AUTS2: variants seen among roughly 807,000 people sequenced by gnomAD.
AUTS2 encodes the protein activator of transcription and developmental regulator AUTS2.
Under a neutral mutation model 112.4 loss-of-function variants are expected in AUTS2, and 17 were observed. The observed-to-expected ratio is 0.15, with a 90% CI of 0.10 to 0.23. AUTS2 has a LOEUF of 0.23. Among genes scored for constraint, AUTS2 ranks in the 10% least tolerant of loss-of-function variants. AUTS2 has a pLI of 1.00. For missense variants in AUTS2, 1,510 were observed against 1,701.6 expected, an observed-to-expected ratio of 0.89 and a Z score of 1.98; for synonymous variants, 751 against 702.7, an observed-to-expected ratio of 1.07 and a Z score of -1.09.
chr7:70,066,355 G>A (rs1802491413), intron 2 of AUTS2, among the ~76,000 whole-genome samples: 1 of 151,988 alleles, frequency 6.6e-6, no homozygotes, highest in East Asian at 1.9e-4. Context: ...GAGTTGAATG[G>A]TCCTTTATTC....
chr7:69,825,196 A>C (rs556101696), intron 1 of AUTS2, among the ~76,000 whole-genome samples: 1 of 152,296 alleles, frequency 6.6e-6, no homozygotes, highest in South Asian at 2.1e-4. Flanking sequence ...TCTGTTATGC[A>C]TTACTGCCAT....
At chr7:70,072,672 C>T (rs1802830900) in intron 2 of AUTS2, among the ~76,000 whole-genome samples, 2 of 152,212 alleles carry the variant, frequency 1.3e-5, no homozygotes, top group African/African-American at 4.8e-5. Context: ...ATTTTCATTC[C>T]TAACATAGGT....
At chr7:69,675,505 G>GTTTTTTT (rs751222506) in intron 1 of AUTS2, among the ~76,000 whole-genome samples, 4 of 114,206 alleles carry the variant, frequency 3.5e-5, no homozygotes, top group African/African-American at 1.1e-4. Context: ...TTGGCTGAGG[G>GTTTTTTT]TTTTTTTTTT....
intron 2 of AUTS2, among the ~76,000 whole-genome samples, chr7:69,923,510 G>A (rs894333028): frequency 4.6e-5 from 7 of 152,160 alleles, no homozygotes; most frequent in African/African-American, 7.2e-5. Context: ...TGGCCAAGAT[G>A]TTGGTTGAGA....
At chr7:70,350,406 G>A (rs1175732952) in intron 4 of AUTS2, among the ~76,000 whole-genome samples, 2 of 152,124 alleles carry the variant, frequency 1.3e-5, no homozygotes, top group Non-Finnish European at 2.9e-5. Context: ...AAGAAAAAGA[G>A]GTTTAATGGA....
chr7:70,639,868 T>C (rs1225285587), intron 5 of AUTS2, among the ~76,000 whole-genome samples: 1 of 152,042 alleles, frequency 6.6e-6, no homozygotes, highest in African/African-American at 2.4e-5. Context: ...ACCCCTCCAT[T>C]CCCTCTCTGA....
At chr7:69,662,167 G>A (rs146897349) in intron 1 of AUTS2, among the ~76,000 whole-genome samples, 1 of 150,216 alleles carries the variant, frequency 6.7e-6, no homozygotes, top group East Asian at 2.0e-4. Context: ...AGAATCATAG[G>A]TATTCAGAGC....
At chr7:70,099,515 C>T (rs78613045) in intron 2 of AUTS2, among the ~76,000 whole-genome samples, 12,578 of 148,338 alleles carry the variant, frequency 0.085, 634 homozygotes, top group East Asian at 0.13. Flanking sequence ...TTTTTTTTGG[C>T]TCCCTTAAAT....
intron 1 of AUTS2, among the ~76,000 whole-genome samples, chr7:69,708,024 G>A (rs370454582): frequency 6.6e-5 from 10 of 152,276 alleles, no homozygotes; most frequent in African/African-American, 1.4e-4. Flanking sequence ...CCTCTCGGTC[G>A]TTGCTTTATA....
chr7:70,257,410 C>T (rs1010080853), intron 4 of AUTS2, among the ~76,000 whole-genome samples: 3 of 152,150 alleles, frequency 2.0e-5, no homozygotes, highest in South Asian at 2.1e-4. Flanking sequence ...CTCCGCCTCC[C>T]GGGTTCAAGC....
intron 5 of AUTS2, among the ~76,000 whole-genome samples, chr7:70,647,572 T>C (rs1462633086): frequency 1.3e-5 from 2 of 152,218 alleles, no homozygotes; most frequent in Non-Finnish European, 2.9e-5. Flanking sequence ...TAATGCCTTC[T>C]CCCTTAATCT....
At position 70,766,160 on chromosome 7, in the gene AUTS2, T is replaced by A; in HGVS notation, c.1515T>A (p.Ser505=). ...RQELNTRFLA[S]QSADRGASLG... ...AACTGAACACTCGTTTTTTGGCCTC[T>A]CAGAGTGCTGACCGCGGGGCTTCCC... Residue 505 remains serine, a synonymous_variant, in exon 9 of 19, where the codon TCT becomes TCA. Transcript: ENST00000342771. The surrounding 1 kb of genome is among the most constrained non-coding windows in gnomAD (Gnocchi z 4.8). 6.2e-7 allele frequency: 1 copy of A among 1,614,164 alleles called. No individual in the cohort carries two copies. Among genetic ancestry groups the A allele is most frequent in the South Asian group, 1.1e-5 (1 of 91,080 alleles).
chr7:70,787,066 A>G, intron 17 of AUTS2, 143 bp from the exon 18 acceptor site: 1 of 811,768 alleles, frequency 1.2e-6, no homozygotes, highest in South Asian at 1.5e-5. Flanking sequence ...TGAATTTGTT[A>G]ATCTCCTTTC....
At chr7:70,147,685 C>A (rs1584790627) in intron 4 of AUTS2, among the ~76,000 whole-genome samples, 2 of 152,200 alleles carry the variant, frequency 1.3e-5, no homozygotes, top group South Asian at 2.1e-4. Context: ...GTTAATTTAG[C>A]ATATAAGCCT....
At chr7:70,331,743 G>A (rs982637651) in intron 4 of AUTS2, among the ~76,000 whole-genome samples, 1 of 152,130 alleles carries the variant, frequency 6.6e-6, no homozygotes, top group South Asian at 2.1e-4. Flanking sequence ...AATAGATGCA[G>A]AAAAGGCCTT....
intron 4 of AUTS2, among the ~76,000 whole-genome samples, chr7:70,394,081 G>A (rs557226784): frequency 2.9e-4 from 44 of 152,290 alleles, no homozygotes; most frequent in South Asian, 1.4e-3. Context: ...TGGAAGGCTG[G>A]CTATTTTCTA....
intron 4 of AUTS2, among the ~76,000 whole-genome samples, chr7:70,302,931 A>G (rs965122937): frequency 7.3e-6 from 1 of 137,126 alleles, no homozygotes; most frequent in African/African-American, 2.8e-5. Flanking sequence ...TTTGGCCATC[A>G]TTTCCATTCT....
chr7:70,026,999 C>T lies in AUTS2; in HGVS notation c.523-91133C>T, dbSNP rs182523541. On this transcript the variant is annotated intron_variant, in intron 2 of 18. Transcript: ENST00000342771. ...ATCATTTTTTTTTTTACGTTTAGTA[C>T]AGTATCCAATAAAGTGTGACATATT... Among the ~76,000 whole-genome samples the T allele has an allele frequency of 2.0e-5, 3 of 151,508 alleles. No individual in the cohort carries two copies. The East Asian group carries it at 5.8e-4, about 29-fold the overall frequency.
At chr7:70,405,564 G>A (rs1331847571) in intron 4 of AUTS2, among the ~76,000 whole-genome samples, 1 of 152,170 alleles carries the variant, frequency 6.6e-6, no homozygotes, top group African/African-American at 2.4e-5. Flanking sequence ...GAAGACCAAA[G>A]CATTTTGTGG....
Sources: gnomAD v4.1 joint callset for allele counts (sites outside exome capture counted in the v4.1 genomes callset) on GRCh38, gnomAD v4.1.1 for gene constraint, Gnocchi (gnomAD v3.1) non-coding constraint, MANE v1.5 for transcripts, NCBI Gene and HGNC (gene_info 2026-07-23, HGNC 2026-07-21) for gene names.